Variants in CABCOCO1 observed in about 807,000 individuals in gnomAD.
CABCOCO1 encodes the protein ciliary-associated calcium-binding coiled-coil protein 1.
Under a neutral mutation model 35.7 loss-of-function variants are expected in CABCOCO1, and 28 were observed. The ratio of observed to expected loss-of-function variants is 0.78; its 90% CI spans 0.58 to 1.07. The LOEUF (loss-of-function observed/expected upper bound fraction) is 1.07, where lower values mean the gene tolerates loss of function less well. Among genes scored for constraint, CABCOCO1 ranks in the 50% least tolerant of loss-of-function variants. The pLI, the probability that CABCOCO1 is intolerant of heterozygous loss-of-function variation, is 0.00. For missense variants in CABCOCO1, 326 were observed against 309.2 expected, an observed-to-expected ratio of 1.05 and a Z score of -0.41; for synonymous variants, 95 against 100.1, an observed-to-expected ratio of 0.95 and a Z score of 0.30.
chr10:61,690,477 A>C (rs1840102095), intron 4 of CABCOCO1, 72 bp from the exon 5 acceptor site: 1 of 1,023,134 alleles, frequency 9.8e-7, no homozygotes, highest in Non-Finnish European at 1.5e-6. Flanking sequence ...TTCCTTTAAT[A>C]AATGTCTTTA....
chr10:61,703,723 T>A (rs375460563), intron 5 of CABCOCO1, among the ~76,000 whole-genome samples: 155 of 149,030 alleles, frequency 1.0e-3, no homozygotes, highest in African/African-American at 3.1e-3. Context: ...TCTCTCTCTC[T>A]CACACACACA....
At chr10:61,761,310 A>G (rs1842005227) in intron 7 of CABCOCO1, among the ~76,000 whole-genome samples, 1 of 152,038 alleles carries the variant, frequency 6.6e-6, no homozygotes, top group Non-Finnish European at 1.5e-5. Flanking sequence ...TGCAAAAGGA[A>G]TTGGAATGCA....
intron 1 of CABCOCO1, among the ~76,000 whole-genome samples, chr10:61,671,553 C>T (rs1010946860): frequency 2.6e-5 from 4 of 152,128 alleles, no homozygotes; most frequent in Non-Finnish European, 5.9e-5. Context: ...GTATCACCAC[C>T]ATTTCCTCCA....
At chr10:61,695,638 ACATATGT>A (rs1840274235) in intron 5 of CABCOCO1, among the ~76,000 whole-genome samples, 1 of 152,092 alleles carries the variant, frequency 6.6e-6, no homozygotes, top group Non-Finnish European at 1.5e-5. Context: ...AAAACAAAAG[ACATATGT>A]CCTTTAAAGA....
At chr10:61,684,341 A>C (rs1481839476) in intron 3 of CABCOCO1, among the ~76,000 whole-genome samples, 1 of 152,232 alleles carries the variant, frequency 6.6e-6, no homozygotes, top group East Asian at 1.9e-4. Context: ...AACAAATTAC[A>C]AGTTAGTGTT....
intron 5 of CABCOCO1, among the ~76,000 whole-genome samples, chr10:61,740,875 A>T (rs1160070754): frequency 6.6e-6 from 1 of 152,174 alleles, no homozygotes; most frequent in African/African-American, 2.4e-5. Flanking sequence ...GGCCGGGTGC[A>T]GTGGCTCATG....
At chr10:61,723,867 A>G (rs1841080906) in intron 5 of CABCOCO1, among the ~76,000 whole-genome samples, 1 of 152,218 alleles carries the variant, frequency 6.6e-6, no homozygotes, top group African/African-American at 2.4e-5. Flanking sequence ...GGCAAAAAGT[A>G]TTAATACTGG....
At chr10:61,681,970 T>C (rs939784246) in intron 3 of CABCOCO1, among the ~76,000 whole-genome samples, 4 of 152,136 alleles carry the variant, frequency 2.6e-5, no homozygotes, top group African/African-American at 9.7e-5. Flanking sequence ...TCGTACGTAT[T>C]TTTGAAATAT....
At chr10:61,762,959 T>C (rs1214779739) in intron 7 of CABCOCO1, among the ~76,000 whole-genome samples, 1 of 152,086 alleles carries the variant, frequency 6.6e-6, no homozygotes, top group African/African-American at 2.4e-5. Context: ...ATGTGTAGGT[T>C]ATTTTCCACT....
At chr10:61,709,461 A>AT (rs1223191095) in intron 5 of CABCOCO1, among the ~76,000 whole-genome samples, 14 of 151,168 alleles carry the variant, frequency 9.3e-5, no homozygotes, top group Admixed American at 2.0e-4. Context: ...CCATGTTTGG[A>AT]TTTTTTTTTA....
chr10:61,686,988 A>G (rs1839984721), intron 4 of CABCOCO1, among the ~76,000 whole-genome samples: 1 of 152,198 alleles, frequency 6.6e-6, no homozygotes, highest in African/African-American at 2.4e-5. Flanking sequence ...TATATACTCC[A>G]GTGTTTTTCA....
At chr10:61,719,573 G>A (rs1260627933) in intron 5 of CABCOCO1, among the ~76,000 whole-genome samples, 1 of 152,072 alleles carries the variant, frequency 6.6e-6, no homozygotes, top group Non-Finnish European at 1.5e-5. Context: ...AGCAAGATGG[G>A]AAATGACTTT....
chr10:61,700,611 A>G (rs1192998427), intron 5 of CABCOCO1, among the ~76,000 whole-genome samples: 3 of 152,026 alleles, frequency 2.0e-5, no homozygotes, highest in Non-Finnish European at 4.4e-5. Context: ...CAAATTTTTT[A>G]TTTGTATTTA....
At position 61,765,804 on chromosome 10, in the gene CABCOCO1, C is replaced by G. The variant is rs1036218015; in HGVS notation, c.817-135C>G. 8.5e-6 allele frequency: 6 copies of G among 705,774 alleles called. No individual in the cohort carries two copies. In the East Asian group the frequency reaches 1.6e-4, roughly 19 times the overall value. 43.7% of individuals were successfully genotyped at this position (705,774 alleles called of 1,614,324 possible). The stretch of plus-strand genomic sequence containing the variant: ...CACATCACTACAGGCTGAAACACAG[C>G]TATGTCTGCAAAACAGGAAGGTGTG... On this transcript the variant is annotated intron_variant, in intron 7 of 7. Coordinates refer to ENST00000648843, the MANE Select transcript of CABCOCO1 (RefSeq NM_001366906.2).
chr10:61,721,432 G>A (rs1841018311), intron 5 of CABCOCO1, among the ~76,000 whole-genome samples: 1 of 152,050 alleles, frequency 6.6e-6, no homozygotes, highest in Non-Finnish European at 1.5e-5. Context: ...TATGTACCAC[G>A]AACAATAGTT....
At chr10:61,718,030 C>T (rs1196966135) in intron 5 of CABCOCO1, among the ~76,000 whole-genome samples, 1 of 152,000 alleles carries the variant, frequency 6.6e-6, no homozygotes, top group Non-Finnish European at 1.5e-5. Flanking sequence ...GATGCTGGTC[C>T]GCGTGGTTCA....
intron 7 of CABCOCO1, among the ~76,000 whole-genome samples, chr10:61,762,273 G>A (rs1430154905): frequency 6.6e-6 from 1 of 152,076 alleles, no homozygotes; most frequent in Non-Finnish European, 1.5e-5. Flanking sequence ...TCCATGCAGT[G>A]AACAGTATGT....
intron 5 of CABCOCO1, among the ~76,000 whole-genome samples, chr10:61,754,345 C>G (rs1207666395): frequency 6.6e-6 from 1 of 152,070 alleles, no homozygotes; most frequent in African/African-American, 2.4e-5. Flanking sequence ...CTCTATCCCT[C>G]AGGAAATGTT....
At chr10:61,718,569 G>C (rs1221910797) in intron 5 of CABCOCO1, among the ~76,000 whole-genome samples, 1 of 152,154 alleles carries the variant, frequency 6.6e-6, no homozygotes, top group Non-Finnish European at 1.5e-5. Context: ...ATATGCAGGT[G>C]TATTTGTGTT....
Sources: gnomAD v4.1 joint callset for allele counts (sites outside exome capture counted in the v4.1 genomes callset) on GRCh38, gnomAD v4.1.1 for gene constraint, MANE v1.5 for transcripts, NCBI Gene and HGNC (gene_info 2026-07-23, HGNC 2026-07-21) for gene names.